The following CLCA1 variants were observed in gnomAD, a reference collection of about 807,000 sequenced individuals.
CLCA1 encodes chloride channel accessory 1.
A neutral mutation model predicts 85.6 loss-of-function variants in CLCA1; 59 were observed. That is an observed-to-expected ratio of 0.69 (90% CI 0.56 to 0.86). CLCA1 has a LOEUF of 0.86. Among genes scored for constraint, CLCA1 ranks in the 40% least tolerant of loss-of-function variants. The pLI is 0.00. For synonymous variants in CLCA1, 396 were observed against 398.3 expected, an observed-to-expected ratio of 0.99 and a Z score of 0.07; for missense variants, 1,022 against 1,101.4, an observed-to-expected ratio of 0.93 and a Z score of 1.02.
intron 8 of CLCA1, among the ~76,000 whole-genome samples, chr1:86,489,853 G>A (rs961130069): frequency 2.0e-5 from 3 of 152,180 alleles, no homozygotes; most frequent in Non-Finnish European, 1.5e-5. Context: ...GCCTTCTGAG[G>A]CCACTAAAAT....
chr1:86,489,589 G>A (rs1648080004), intron 8 of CLCA1, among the ~76,000 whole-genome samples: 2 of 152,158 alleles, frequency 1.3e-5, no homozygotes, highest in Non-Finnish European at 2.9e-5. Flanking sequence ...TGGAGAAAAA[G>A]CATTCAAGAA....
intron 8 of CLCA1, 129 bp downstream of exon 8, chr1:86,489,299 C>A: frequency 1.2e-6 from 1 of 816,864 alleles, no homozygotes; most frequent in Non-Finnish European, 1.9e-6. Context: ...ACTAGCCACC[C>A]TTACCCCTGA....
At chr1:86,498,173 A>T (rs1648349189) in intron 12 of CLCA1, among the ~76,000 whole-genome samples, 1 of 130,240 alleles carries the variant, frequency 7.7e-6, no homozygotes, top group South Asian at 2.5e-4. Context: ...GAAGGAAGGA[A>T]GGAAGGAAGG....
At position 86,494,362 on chromosome 1, in the gene CLCA1, C is replaced by T. The variant is rs201458901; in HGVS notation, c.1856C>T (p.Ser619Phe). The T allele has an allele frequency of 2.5e-6, 4 of 1,614,208 alleles. No individual in the cohort carries two copies. Among genetic ancestry groups the T allele is most frequent in the African/African-American group, 2.7e-5 (2 of 75,062 alleles). The change falls in exon 11 of 14, where the codon TCC (serine) becomes TTC (phenylalanine). Residue 619 changes from serine to phenylalanine, a missense_variant. Physicochemically the swap from Ser to Phe is radical, Grantham distance 155 (BLOSUM62 -2). Transcript: ENST00000394711. The part of the protein sequence containing the change: ...VVYANIRQGA[S>F]PILRASVTAL... ...TATGCAAATATTCGCCAAGGAGCCTCCCCAATTCTCAGGGCCAGTGTCACA... is the reference window on the plus strand; with the variant it reads ...TATGCAAATATTCGCCAAGGAGCCTTCCCAATTCTCAGGGCCAGTGTCACA...
In CLCA1 at chr1:86,499,763, T is replaced by C. The variant is rs776021856; in HGVS notation, c.2463T>C (p.Ser821=). 2 of 1,613,754 alleles carry C rather than the reference T, an allele frequency of 1.2e-6. No individual in the cohort carries two copies. Among genetic ancestry groups the C allele is most frequent in the South Asian group, 1.1e-5 (1 of 91,082 alleles). The part of the protein sequence containing the change: ...TTALIPKEAN[S]EEVFLFKPEN... ...CTCTCATCCCAAAGGAAGCCAACTC[T>C]GAGGAAGTCTTTTTGTTTAAACCAG... Residue 821 remains serine (S), a synonymous_variant, in exon 14 of 14, where the codon TCT becomes TCC. Coordinates refer to ENST00000394711, the MANE Select transcript of CLCA1 (RefSeq NM_001285.4).
chr1:86,492,255 T>A (rs1380257216), intron 9 of CLCA1, among the ~76,000 whole-genome samples: 1 of 152,174 alleles, frequency 6.6e-6, no homozygotes, highest in Non-Finnish European at 1.5e-5. Context: ...TTATTCAATC[T>A]AGGAAGACAG....
chr1:86,496,580 C>T (rs191889539), intron 12 of CLCA1, among the ~76,000 whole-genome samples: 14 of 152,344 alleles, frequency 9.2e-5, no homozygotes, highest in African/African-American at 3.4e-4. Flanking sequence ...GGCAGGCTTT[C>T]TCCTGAGGTT....
At chr1:86,498,933 C>T (rs2734707) in intron 13 of CLCA1, 122 bp downstream of exon 13, 31 of 1,112,590 alleles carry the variant, frequency 2.8e-5, no homozygotes, top group Non-Finnish European at 3.7e-5. Context: ...GGGATCTTGC[C>T]GGTCCTTTGA....
intron 7 of CLCA1, among the ~76,000 whole-genome samples, chr1:86,487,910 A>C (rs1648024792): frequency 6.6e-6 from 1 of 152,212 alleles, no homozygotes; most frequent in South Asian, 2.1e-4. Flanking sequence ...GCGACAAGAA[A>C]ATCCAAATTG....
At chr1:86,494,062 C>A (rs1648208297) in intron 10 of CLCA1, 125 bp from the exon 11 acceptor site, 2 of 1,057,816 alleles carry the variant, frequency 1.9e-6, no homozygotes, top group East Asian at 2.6e-5. Context: ...ATCAAACATG[C>A]ACACCTCTTC....
chr1:86,480,406 A>G (rs2145410), intron 4 of CLCA1, among the ~76,000 whole-genome samples: 18,399 of 152,098 alleles, frequency 0.12, 1,187 homozygotes, highest in Middle Eastern at 0.21. Context: ...AAGAAATTAA[A>G]ATGCCCAGGA....
At chr1:86,471,059 G>A (rs1057229315) in intron 1 of CLCA1, among the ~76,000 whole-genome samples, 9 of 152,062 alleles carry the variant, frequency 5.9e-5, no homozygotes, top group Middle Eastern at 3.2e-3. Flanking sequence ...CTCTTCCCCC[G>A]TCAAATATAC....
chr1:86,476,479 A>G lies in CLCA1; in HGVS notation c.483A>G (p.Leu161=), dbSNP rs1263414882. ...CATTTGTCCATGAGTGGGCTCATCT[A>G]CGATGGGGAGTATTTGACGAGTACA... ...GRAFVHEWAH[L]RWGVFDEYNN... is the part of the protein sequence containing the mutation. The change falls in exon 4 of 14, where the codon CTA becomes CTG. Residue 161 remains leucine, a synonymous_variant. Coordinates refer to ENST00000394711, the MANE Select transcript of CLCA1 (RefSeq NM_001285.4). 1.9e-6 allele frequency: 3 copies of G among 1,604,974 alleles called. No homozygotes were observed. Among genetic ancestry groups the G allele is most frequent in the Non-Finnish European group, 2.6e-6 (3 of 1,171,950 alleles).
At chr1:86,469,235 T>G (rs1238751910) in intron 1 of CLCA1, 102 bp downstream of exon 1, 14 of 705,988 alleles carry the variant, frequency 2.0e-5, no homozygotes, top group Non-Finnish European at 3.1e-5. Context: ...TGGCATGTAT[T>G]TTTATGTCTA....
intron 4 of CLCA1, among the ~76,000 whole-genome samples, chr1:86,477,938 C>T (rs770497936): frequency 6.6e-6 from 1 of 152,206 alleles, no homozygotes; most frequent in African/African-American, 2.4e-5. Flanking sequence ...AGGAGATGCA[C>T]TCGGCTTTGA....
At chr1:86,490,937 A>G (rs373400390) in intron 8 of CLCA1, among the ~76,000 whole-genome samples, 8 of 150,960 alleles carry the variant, frequency 5.3e-5, no homozygotes, top group African/African-American at 1.9e-4. Flanking sequence ...AAAATTAGAC[A>G]TGTTGGCATA....
At chr1:86,469,237 T>G (rs1269549608) in intron 1 of CLCA1, 104 bp downstream of exon 1, 5 of 700,358 alleles carry the variant, frequency 7.1e-6, no homozygotes, top group Non-Finnish European at 8.9e-6. Flanking sequence ...GCATGTATTT[T>G]TATGTCTAAG....
Position 86,498,426 on chromosome 1 carries a change from C to T in CLCA1, c.2114-146C>T, listed in dbSNP as rs548763576. 8 of 716,732 alleles carry T rather than the reference C, an allele frequency of 1.1e-5. No individual in the cohort carries two copies. In the East Asian group the frequency reaches 2.2e-4, roughly 20 times the overall value. 44.4% of individuals were successfully genotyped at this position (716,732 alleles called of 1,614,324 possible). On this transcript the variant is annotated intron_variant, in intron 12 of 13. Coordinates refer to ENST00000394711, the MANE Select transcript of CLCA1 (RefSeq NM_001285.4). ...GATGAAACCGTATTTGTGGTCTTGT[C>T]TCCAAATATTTAAAATTAATTCTGT...
chr1:86,493,709 A>G (rs1478384675), intron 10 of CLCA1, 110 bp downstream of exon 10: 1 of 814,450 alleles, frequency 1.2e-6, no homozygotes, highest in Admixed American at 2.6e-5. Context: ...GAGAGTCAGT[A>G]TTGAATCAAA....
Sources: allele counts gnomAD v4.1 joint callset (sites outside exome capture counted in the v4.1 genomes callset), GRCh38; gene constraint gnomAD v4.1.1; transcripts MANE v1.5; gene names NCBI Gene and HGNC (gene_info 2026-07-23, HGNC 2026-07-21).